The following GRAMD1C variants were observed in gnomAD, a reference collection of about 807,000 sequenced individuals.
GRAMD1C encodes GRAM domain containing 1C, also known as protein Aster-C.
Under a neutral mutation model 97.8 loss-of-function variants are expected in GRAMD1C, and 89 were observed. The ratio of observed to expected loss-of-function variants is 0.91; its 90% CI spans 0.77 to 1.09. The LOEUF (loss-of-function observed/expected upper bound fraction) is 1.09, where lower values mean the gene tolerates loss of function less well. Ranked by LOEUF, GRAMD1C falls within the 50% of genes least tolerant of loss-of-function variation. The probability of loss-of-function intolerance (pLI) is 0.00; values close to 1 mark genes in which losing one functional copy is unlikely to be tolerated. For missense variants in GRAMD1C, 740 were observed against 766.4 expected (o/e 0.97, Z 0.41); for synonymous variants, 256 against 267.0 (o/e 0.96, Z 0.40).
chr3:113,855,510 C>T (rs1029807186), intron 2 of GRAMD1C, among the ~76,000 whole-genome samples: 1 of 151,654 alleles, frequency 6.6e-6, no homozygotes, highest in African/African-American at 2.4e-5. Flanking sequence ...TCGAGATCAG[C>T]CTGGCCAACA....
intron 3 of GRAMD1C, 45 bp from the exon 4 acceptor site, chr3:113,875,439 C>G (rs748601382): frequency 7.2e-6 from 6 of 838,044 alleles, no homozygotes; most frequent in Non-Finnish European, 1.3e-5. Flanking sequence ...CTATTAATTT[C>G]TCAGATTTTC....
chr3:113,907,573 G>A (rs952620759), intron 8 of GRAMD1C, among the ~76,000 whole-genome samples: 9 of 151,942 alleles, frequency 5.9e-5, no homozygotes, highest in Admixed American at 3.9e-4. Flanking sequence ...TACAAGCATC[G>A]TATGTCACTT....
chr3:113,860,285 G>C lies in GRAMD1C; in HGVS notation c.175-9222G>C, dbSNP rs574321666. 2.4e-4 allele frequency among the ~76,000 whole-genome samples: 37 copies of C among 152,276 alleles called. No individual in the cohort carries two copies. The South Asian group carries it at 7.2e-3, about 30-fold the overall frequency. On this transcript the variant is annotated intron_variant, in intron 2 of 17. Coordinates refer to ENST00000358160, the MANE Select transcript of GRAMD1C (RefSeq NM_017577.5). ...TCCACCCGCCTTGGCCTCCCAAAGT[G>C]CTGGGATTACAGGTGTGAGCCACTG...
At chr3:113,877,837 G>C (rs1489430187) in intron 5 of GRAMD1C, among the ~76,000 whole-genome samples, 1 of 151,974 alleles carries the variant, frequency 6.6e-6, no homozygotes, top group Non-Finnish European at 1.5e-5. Flanking sequence ...CAAGGCAATG[G>C]TGTGATCTTC....
intron 2 of GRAMD1C, 135 bp from the exon 3 acceptor site, chr3:113,869,372 T>C: frequency 1.7e-6 from 1 of 593,052 alleles, no homozygotes. Flanking sequence ...TTTTGGTGTT[T>C]TTGAAATGTT....
At chr3:113,894,048 C>T (rs910253163) in intron 6 of GRAMD1C, among the ~76,000 whole-genome samples, 4 of 152,144 alleles carry the variant, frequency 2.6e-5, no homozygotes, top group African/African-American at 9.7e-5. Context: ...TCTTGAAACA[C>T]TAAAGCATCC....
intron 6 of GRAMD1C, chr3:113,885,630 C>G: frequency 6.7e-7 from 1 of 1,496,920 alleles, no homozygotes. Context: ...ACGTAAGAGG[C>G]CCCATGTGGA....
In GRAMD1C at chr3:113,838,916, G is replaced by A. The variant is rs757045773; in HGVS notation, c.7G>A (p.Gly3Ser). The change falls in exon 1 of 18, where the codon GGC becomes AGC. Residue 3 changes from glycine (G) to serine (S), a missense_variant. Gly to Ser is a moderately conservative substitution (Grantham distance 56). Transcript: ENST00000358160. ME[G>S]APTVRQVMNE... ...GGCGGCGGAGGGAGCCGCGATGGAGGGCGCTCCGACTGTCCGTCAGGTAAG... is the reference window on the plus strand; with the variant it reads ...GGCGGCGGAGGGAGCCGCGATGGAGAGCGCTCCGACTGTCCGTCAGGTAAG... 47 of 1,215,358 alleles carry A rather than the reference G, an allele frequency of 3.9e-5. No homozygotes were observed. Among genetic ancestry groups the A allele is most frequent in the South Asian group, 1.7e-4 (4 of 23,532 alleles). 75.3% of individuals were successfully genotyped at this position (1,215,358 alleles called of 1,614,324 possible).
intron 3 of GRAMD1C, among the ~76,000 whole-genome samples, chr3:113,874,643 C>A (rs890235111): frequency 3.3e-5 from 5 of 152,296 alleles, no homozygotes; most frequent in African/African-American, 9.6e-5. Flanking sequence ...CTGTGCCCAG[C>A]CCAGCTGAGA....
intron 2 of GRAMD1C, among the ~76,000 whole-genome samples, chr3:113,859,221 TTC>T (rs1934273983): frequency 6.6e-6 from 1 of 152,186 alleles, no homozygotes; most frequent in Non-Finnish European, 1.5e-5. Flanking sequence ...TGCTATAAAT[TTC>T]TCTCTCATCT....
At chr3:113,933,445 T>A (rs1937512893) in intron 11 of GRAMD1C, 66 bp from the exon 12 acceptor site, 6 of 1,151,600 alleles carry the variant, frequency 5.2e-6, no homozygotes, top group East Asian at 4.7e-5. Flanking sequence ...ATACATGTTC[T>A]AAATTGGCAA....
intron 10 of GRAMD1C, among the ~76,000 whole-genome samples, chr3:113,926,554 G>A (rs1236333666): frequency 6.6e-6 from 1 of 152,142 alleles, no homozygotes; most frequent in Non-Finnish European, 1.5e-5. Context: ...TGGGGAACTA[G>A]TATAATTGTT....
chr3:113,834,771 T>C (rs1329094029), upstream of GRAMD1C, among the ~76,000 whole-genome samples: 2 of 119,912 alleles, frequency 1.7e-5, no homozygotes, highest in Non-Finnish European at 3.6e-5. Flanking sequence ...CTGTCTCTAC[T>C]AAAAAAAAAA....
intron 3 of GRAMD1C, among the ~76,000 whole-genome samples, chr3:113,874,549 T>C (rs1157998731): frequency 1.3e-5 from 2 of 152,176 alleles, no homozygotes; most frequent in East Asian, 3.9e-4. Flanking sequence ...TTCCCCATGT[T>C]GGCCAGGTTG....
intron 10 of GRAMD1C, among the ~76,000 whole-genome samples, chr3:113,916,302 G>C (rs57982483): frequency 0.015 from 2,325 of 152,262 alleles, 62 homozygotes; most frequent in African/African-American, 0.053. Context: ...ACGTACTACA[G>C]TGTTCATAGC....
rs549182730 is a variant in GRAMD1C at position 113,885,536 on chromosome 3, T to C, written c.540+2704T>C. ...CTTATTCACTCCCACCATGATGGGGTCCTGAGGCCGCAGTCCGGCCTGTTA... is the reference window on the plus strand; with the variant it reads ...CTTATTCACTCCCACCATGATGGGGCCCTGAGGCCGCAGTCCGGCCTGTTA... On this transcript the variant is annotated intron_variant, in intron 6 of 17. Coordinates refer to ENST00000358160, the MANE Select transcript of GRAMD1C (RefSeq NM_017577.5). 13 of 1,604,894 alleles carry C rather than the reference T, an allele frequency of 8.1e-6. No individual in the cohort carries two copies. In the African/African-American group the frequency reaches 1.7e-4, roughly 21 times the overall value.
At chr3:113,893,894 G>C (rs1935833261) in intron 6 of GRAMD1C, among the ~76,000 whole-genome samples, 1 of 152,132 alleles carries the variant, frequency 6.6e-6, no homozygotes, top group Non-Finnish European at 1.5e-5. Flanking sequence ...AATTCTCTTA[G>C]TTCAAGGAAA....
intron 10 of GRAMD1C, among the ~76,000 whole-genome samples, chr3:113,917,513 G>T (rs1288772821): frequency 6.6e-6 from 1 of 151,470 alleles, no homozygotes; most frequent in African/African-American, 2.4e-5. Context: ...TTTAGTAGAG[G>T]GGTTTGCCGT....
In GRAMD1C at chr3:113,936,248, TG is replaced by T. The variant is rs1256159134; in HGVS notation, c.1457-17del. On this transcript the variant is annotated splice_polypyrimidine_tract_variant and intron_variant, in intron 13 of 17. Transcript: ENST00000358160. ...GGAGCTTTCCTCACTATATAAAGAT[TG>T]TTTTTTTTTTTCTTAGAATCAGATT... 2.1e-5 allele frequency: 29 copies of T among 1,399,204 alleles called. No homozygotes were observed. The East Asian group carries it at 4.4e-4, about 21-fold the overall frequency. 86.7% of individuals were successfully genotyped at this position (1,399,204 alleles called of 1,614,324 possible).
Sources: gnomAD v4.1 joint callset for allele counts (sites outside exome capture counted in the v4.1 genomes callset) on GRCh38, gnomAD v4.1.1 for gene constraint, MANE v1.5 for transcripts, NCBI Gene and HGNC (gene_info 2026-07-23, HGNC 2026-07-21) for gene names.